The following CWF19L2 variants were observed in gnomAD, a reference collection of about 807,000 sequenced individuals.
The protein encoded by CWF19L2 is CWF19-like protein 2.
A neutral mutation model predicts 111.7 loss-of-function variants in CWF19L2; 98 were observed. The ratio of observed to expected loss-of-function variants is 0.88; its 90% confidence interval spans 0.75 to 1.04. The LOEUF (loss-of-function observed/expected upper bound fraction) is 1.04. CWF19L2 is among the 50% of genes least tolerant of loss of function. The pLI is 0.00. For missense variants in CWF19L2, 1,101 were observed against 1,051.4 expected (o/e 1.05, Z -0.65); for synonymous variants, 351 against 342.9 (o/e 1.02, Z -0.26).
chr11:107,431,016 AT>A (rs1451869925), intron 7 of CWF19L2, among the ~76,000 whole-genome samples: 1 of 151,970 alleles, frequency 6.6e-6, no homozygotes, highest in Non-Finnish European at 1.5e-5. Context: ...AAAAAATAAA[AT>A]TAAAAAAAAA....
intron 12 of CWF19L2, among the ~76,000 whole-genome samples, chr11:107,378,397 G>A (rs1053360351): frequency 6.6e-6 from 1 of 151,564 alleles, no homozygotes; most frequent in African/African-American, 2.4e-5. Context: ...ACTGGATTAA[G>A]AAAATGTGGC....
At chr11:107,405,037 G>T (rs1861057639) in intron 10 of CWF19L2, among the ~76,000 whole-genome samples, 1 of 152,238 alleles carries the variant, frequency 6.6e-6, no homozygotes, top group Non-Finnish European at 1.5e-5. Context: ...ATGGGCCACA[G>T]GCCAACTCCA....
intron 12 of CWF19L2, among the ~76,000 whole-genome samples, chr11:107,362,429 A>G (rs1860366820): frequency 6.6e-6 from 1 of 152,008 alleles, no homozygotes; most frequent in South Asian, 2.1e-4. Flanking sequence ...TCCCTGTCTG[A>G]CAGCTTTGAA....
intron 10 of CWF19L2, among the ~76,000 whole-genome samples, chr11:107,414,619 C>A (rs764983118): frequency 1.1e-4 from 17 of 152,096 alleles, no homozygotes; most frequent in South Asian, 2.1e-4. Flanking sequence ...TCCAAACTCT[C>A]AATATATCCA....
chr11:107,446,079 T>C (rs770142950), intron 3 of CWF19L2, among the ~76,000 whole-genome samples: 1 of 152,222 alleles, frequency 6.6e-6, no homozygotes, highest in Non-Finnish European at 1.5e-5. Context: ...CTAGACTGTC[T>C]ACCTGACTTA....
chr11:107,451,785 TA>T (rs1489280630), intron 3 of CWF19L2, among the ~76,000 whole-genome samples: 1 of 152,200 alleles, frequency 6.6e-6, no homozygotes, highest in African/African-American at 2.4e-5. Flanking sequence ...ACTCTGTCGT[TA>T]AACCCATTCC....
chr11:107,348,937 C>T lies in CWF19L2; in HGVS notation c.2202G>A (p.Gln734=), dbSNP rs755468273. ...LLDEDIWEEI[Q]MFRKSLVKMF... The stretch of plus-strand genomic sequence containing the variant: ...GATAATGAACATTTATTATGCTGAC[C>T]TGGATCTCCTCCCAGATGTCTTCAT... The change falls in exon 14 of 18, where the codon CAG becomes CAA. Residue 734 remains glutamine (Q), a splice_region_variant and synonymous_variant. Coordinates refer to ENST00000282251, the MANE Select transcript of CWF19L2 (RefSeq NM_152434.3). The T allele has an allele frequency of 6.4e-7, 1 of 1,562,432 alleles. No individual in the cohort carries two copies. The highest frequency in any genetic ancestry group is 1.8e-5 in the Admixed American group (1 of 56,584).
chr11:107,333,461 T>C (rs1859879076), intron 16 of CWF19L2, among the ~76,000 whole-genome samples: 1 of 152,210 alleles, frequency 6.6e-6, no homozygotes. Context: ...TCAACTGTCA[T>C]TAAAACTATG....
Position 107,442,927 on chromosome 11 carries a change from T to G in CWF19L2, c.450+12A>C. 2 of 1,474,880 alleles carry G rather than the reference T, an allele frequency of 1.4e-6. No individual in the cohort carries two copies. The highest frequency in any genetic ancestry group is 3.9e-5 in the Admixed American group (2 of 50,666). 91.4% of individuals were successfully genotyped at this position (1,474,880 alleles called of 1,614,324 possible). A position where few individuals can be genotyped will look rare whatever the true frequency, so the allele number is the denominator to read the frequency against. ...AAGAAAGCAAGGAAGGAAAATCAAG[T>G]GGCTTGCTTACCTTGATAATTTGGG... On this transcript the variant is annotated intron_variant, in intron 4 of 17. Coordinates refer to ENST00000282251, the MANE Select transcript of CWF19L2 (RefSeq NM_152434.3).
At chr11:107,386,313 C>T (rs954396856) in intron 12 of CWF19L2, among the ~76,000 whole-genome samples, 2 of 152,136 alleles carry the variant, frequency 1.3e-5, no homozygotes, top group Non-Finnish European at 2.9e-5. Flanking sequence ...CACTCCTGTT[C>T]ATTTTTCTAC....
chr11:107,439,051 A>AAC (rs1555028420), intron 6 of CWF19L2, 39 bp downstream of exon 6: 3 of 952,090 alleles, frequency 3.2e-6, no homozygotes, highest in African/African-American at 3.4e-5. Context: ...AAAAAAAAAA[A>AAC]AAAAACCCTG....
At position 107,454,514 on chromosome 11, in the gene CWF19L2, T is replaced by C; in HGVS notation, c.275A>G (p.Glu92Gly). 1 of 1,483,594 alleles carries C rather than the reference T, an allele frequency of 6.7e-7. No homozygotes were observed. The highest frequency in any genetic ancestry group is 1.4e-5 in the South Asian group (1 of 70,792). 91.9% of individuals were successfully genotyped at this position (1,483,594 alleles called of 1,614,324 possible). Residue 92 changes from glutamate to glycine, a missense_variant, in exon 3 of 18, where the codon GAA becomes GGA. Coordinates refer to ENST00000282251, the MANE Select transcript of CWF19L2 (RefSeq NM_152434.3). ...KDKHSKKAKK[E>G]KKKKSKKQKY... Reference sequence around the variant, plus strand: ...CTGTTTCTTGCTCTTTTTTTTCTTTTCTTTCTTTGCTTTTTTTGAATGCTT... The same window carrying C: ...CTGTTTCTTGCTCTTTTTTTTCTTTCCTTTCTTTGCTTTTTTTGAATGCTT...
chr11:107,453,493 T>C (rs1313582793), intron 3 of CWF19L2, among the ~76,000 whole-genome samples: 3 of 151,620 alleles, frequency 2.0e-5, no homozygotes, highest in Admixed American at 1.3e-4. Context: ...CCATAGCTGG[T>C]AACCACTAAA....
At chr11:107,350,143 A>G (rs917602185) in intron 13 of CWF19L2, among the ~76,000 whole-genome samples, 4 of 152,214 alleles carry the variant, frequency 2.6e-5, no homozygotes, top group African/African-American at 9.6e-5. Context: ...AAATTAGAAC[A>G]CACAAAAAAG....
At chr11:107,395,985 C>T (rs1860916109) in intron 10 of CWF19L2, among the ~76,000 whole-genome samples, 1 of 152,104 alleles carries the variant, frequency 6.6e-6, no homozygotes, top group South Asian at 2.1e-4. Context: ...TATCCCAAAA[C>T]TAACCCACTT....
chr11:107,355,818 T>C (rs535898526), intron 12 of CWF19L2, among the ~76,000 whole-genome samples: 2 of 152,294 alleles, frequency 1.3e-5, no homozygotes, highest in East Asian at 1.9e-4. Flanking sequence ...CTCTCTATAA[T>C]TGGTAGCACA....
intron 4 of CWF19L2, among the ~76,000 whole-genome samples, chr11:107,441,991 A>C (rs1018033328): frequency 1.3e-5 from 2 of 152,164 alleles, no homozygotes; most frequent in African/African-American, 4.8e-5. Flanking sequence ...GAGGCAGATG[A>C]ACTATAGCCC....
intron 12 of CWF19L2, among the ~76,000 whole-genome samples, chr11:107,361,957 G>A (rs944574137): frequency 6.6e-6 from 1 of 152,216 alleles, no homozygotes; most frequent in Non-Finnish European, 1.5e-5. Flanking sequence ...GCGCAGGTTA[G>A]TGGGTGCACG....
intron 16 of CWF19L2, among the ~76,000 whole-genome samples, chr11:107,331,033 T>C (rs2134518620): frequency 6.6e-6 from 1 of 152,292 alleles, no homozygotes; most frequent in East Asian, 1.9e-4. Flanking sequence ...AAGTTTTTCA[T>C]GTTATTTAAA....
Sources: allele counts gnomAD v4.1 joint callset (sites outside exome capture counted in the v4.1 genomes callset), GRCh38; gene constraint gnomAD v4.1.1; transcripts MANE v1.5; gene names NCBI Gene and HGNC (gene_info 2026-07-23, HGNC 2026-07-21).